The following UNC13C variants were observed in gnomAD, a reference collection of about 807,000 sequenced individuals.
UNC13C encodes unc-13 homolog C.
Under a neutral mutation model 245.4 loss-of-function variants are expected in UNC13C, and 174 were observed. That is an observed-to-expected ratio of 0.71 (90% confidence interval 0.63 to 0.80). The LOEUF (loss-of-function observed/expected upper bound fraction) is 0.80, where lower values mean the gene tolerates loss of function less well. Among genes scored for constraint, UNC13C ranks in the 30% least tolerant of loss-of-function variants. UNC13C has a pLI of 0.00. For synonymous variants in UNC13C, 992 were observed against 895.1 expected, an observed-to-expected ratio of 1.11 and a Z score of -1.93; for missense variants, 2,829 against 2,602.9, an observed-to-expected ratio of 1.09 and a Z score of -1.89.
At chr15:54,462,484 G>A (rs1016251653) in intron 19 of UNC13C, among the ~76,000 whole-genome samples, 2 of 152,174 alleles carry the variant, frequency 1.3e-5, no homozygotes, top group East Asian at 1.9e-4. Context: ...CCGGGGCTAC[G>A]CACTGCACTC....
At chr15:54,048,272 C>G (rs1173674222) in intron 2 of UNC13C, among the ~76,000 whole-genome samples, 1 of 152,148 alleles carries the variant, frequency 6.6e-6, no homozygotes, top group African/African-American at 2.4e-5. Flanking sequence ...TGATTTTTCT[C>G]TCAATCTATT....
At chr15:54,506,750 T>C (rs1894492757) in intron 22 of UNC13C, among the ~76,000 whole-genome samples, 3 of 152,136 alleles carry the variant, frequency 2.0e-5, no homozygotes, top group African/African-American at 7.2e-5. Context: ...AGCTTTTTTG[T>C]CTTTACTTTT....
intron 2 of UNC13C, among the ~76,000 whole-genome samples, chr15:54,116,660 T>A (rs774895400): frequency 6.6e-6 from 1 of 152,212 alleles, no homozygotes; most frequent in Non-Finnish European, 1.5e-5. Context: ...TGCCACGTTG[T>A]CTCTATGCAT....
intron 30 of UNC13C, among the ~76,000 whole-genome samples, chr15:54,594,644 C>T (rs1483986496): frequency 6.6e-6 from 1 of 152,166 alleles, no homozygotes; most frequent in African/African-American, 2.4e-5. Context: ...CCAGCTCCCG[C>T]ACAAACTGTA....
At chr15:54,226,731 C>T (rs1567115210) in intron 4 of UNC13C, among the ~76,000 whole-genome samples, 1 of 152,210 alleles carries the variant, frequency 6.6e-6, no homozygotes, top group Non-Finnish European at 1.5e-5. Context: ...CTCCAGGCAC[C>T]AGCACACATG....
At chr15:54,195,013 A>G (rs1288119308) in intron 4 of UNC13C, among the ~76,000 whole-genome samples, 2 of 151,972 alleles carry the variant, frequency 1.3e-5, no homozygotes, top group East Asian at 2.0e-4. Context: ...CTGGCATTCC[A>G]CGAATAGAAT....
intron 10 of UNC13C, among the ~76,000 whole-genome samples, chr15:54,271,312 A>G (rs2036682468): frequency 6.6e-6 from 1 of 152,236 alleles, no homozygotes; most frequent in African/African-American, 2.4e-5. Flanking sequence ...AAAGTGTCAT[A>G]TAAATCTAAG....
chr15:54,400,855 C>A (rs1298956908), intron 18 of UNC13C, among the ~76,000 whole-genome samples: 2 of 152,162 alleles, frequency 1.3e-5, no homozygotes, highest in Non-Finnish European at 2.9e-5. Context: ...CACCCATTAA[C>A]TCATCATTTA....
intron 7 of UNC13C, among the ~76,000 whole-genome samples, chr15:54,242,309 A>T (rs2035875165): frequency 6.6e-6 from 1 of 152,162 alleles, no homozygotes; most frequent in African/African-American, 2.4e-5. Context: ...TTGACTGTTG[A>T]ATCAACTTAT....
At chr15:54,126,289 T>A (rs1359514382) in intron 2 of UNC13C, among the ~76,000 whole-genome samples, 3 of 152,064 alleles carry the variant, frequency 2.0e-5, no homozygotes, top group African/African-American at 7.2e-5. Context: ...TGGAAAAAGA[T>A]AGGCCATACA....
At chr15:54,498,184 T>A (rs548379122) in intron 20 of UNC13C, among the ~76,000 whole-genome samples, 1 of 152,120 alleles carries the variant, frequency 6.6e-6, no homozygotes, top group South Asian at 2.1e-4. Context: ...TTGACAATGC[T>A]TACACACAAA....
chr15:54,041,731 G>A (rs1353521420), intron 2 of UNC13C, among the ~76,000 whole-genome samples: 4 of 152,098 alleles, frequency 2.6e-5, no homozygotes, highest in African/African-American at 9.7e-5. Flanking sequence ...TACCTCATGG[G>A]GTTGTTGTGA....
chr15:54,415,099 C>T, intron 19 of UNC13C, 32 bp downstream of exon 19: 1 of 1,466,774 alleles, frequency 6.8e-7, no homozygotes, highest in Non-Finnish European at 9.4e-7. Context: ...TATTCGAATA[C>T]ATGTTAGAGT....
chr15:54,480,104 C>T (rs1893020039), intron 19 of UNC13C, among the ~76,000 whole-genome samples: 2 of 152,000 alleles, frequency 1.3e-5, no homozygotes, highest in Middle Eastern at 3.2e-3. Context: ...AGAATTCTTT[C>T]TTTGTATTTG....
the UNC13C span, among the ~76,000 whole-genome samples, chr15:53,968,519 G>T: frequency 6.6e-6 from 1 of 152,094 alleles, no homozygotes. Flanking sequence ...GGGGTTCTTA[G>T]TATATTCACT....
chr15:54,264,477 A>C, intron 9 of UNC13C, 82 bp downstream of exon 9: 3 of 1,076,114 alleles, frequency 2.8e-6, no homozygotes, highest in Non-Finnish European at 4.0e-6. Context: ...TAATAATTAT[A>C]GGTAAAATAA....
chr15:54,622,897 A>G (rs1900883479), intron 31 of UNC13C, among the ~76,000 whole-genome samples: 1 of 152,078 alleles, frequency 6.6e-6, no homozygotes, highest in African/African-American at 2.4e-5. Context: ...TTTGTTAACA[A>G]TACGCTCGTT....
At chr15:54,581,676 C>T (rs757394931) in intron 30 of UNC13C, among the ~76,000 whole-genome samples, 9 of 152,168 alleles carry the variant, frequency 5.9e-5, no homozygotes, top group African/African-American at 9.7e-5. Context: ...CTTCAACAAA[C>T]GAATTTGGGG....
rs575201057 is a variant in UNC13C at position 54,086,877 on chromosome 15, G to A, written c.2984-56141G>A. The stretch of plus-strand genomic sequence containing the variant: ...CAGCCTCCAGAGAAGCTGGGATTAC[G>A]GGCACCTGCCACTGACCCAGCTAAT... On this transcript the variant is annotated intron_variant, in intron 2 of 32. Coordinates refer to ENST00000260323, the MANE Select transcript of UNC13C (RefSeq NM_001080534.3). Among the ~76,000 whole-genome samples the A allele has an allele frequency of 4.3e-3, 652 of 151,368 alleles. 6 individuals carry two copies. Among genetic ancestry groups the A allele is most frequent in the African/African-American group, 0.015 (616 of 41,256 alleles).
Sources: allele counts gnomAD v4.1 joint callset (sites outside exome capture counted in the v4.1 genomes callset), GRCh38; gene constraint gnomAD v4.1.1; transcripts MANE v1.5; gene names NCBI Gene and HGNC (gene_info 2026-07-23, HGNC 2026-07-21).